The following NUDT7 variants were observed in gnomAD, a reference collection of about 807,000 sequenced individuals.
The protein encoded by NUDT7 is nudix hydrolase 7, also known as peroxisomal coenzyme A diphosphatase NUDT7.
NUDT7 carries 19 observed loss-of-function variants against 13.1 expected under a neutral mutation model. The observed-to-expected ratio is 1.45, with a 90% CI of 1.01 to 2.13. The LOEUF (loss-of-function observed/expected upper bound fraction) is 2.13, where lower values mean the gene tolerates loss of function less well. Among genes scored for constraint, NUDT7 ranks in the 30% most tolerant of loss-of-function variants. NUDT7 has a pLI of 0.00. For missense variants in NUDT7, 360 were observed against 291.7 expected (o/e 1.23, Z -1.71); for synonymous variants, 132 against 109.7 (o/e 1.20, Z -1.27).
At chr16:77,733,315 G>A (rs745399883) in intron 2 of NUDT7, among the ~76,000 whole-genome samples, 23 of 152,206 alleles carry the variant, frequency 1.5e-4, no homozygotes, top group Non-Finnish European at 2.6e-4. Context: ...AAGATTTGGA[G>A]TCTGGTGAGG....
rs536464436 is a variant in NUDT7, at chr16:77,732,554, T to C, written c.190-3274T>C. ...GATCTTTTATACCATATTTTTACTG[T>C]ACCTTTTCCGTGTTTAGATGCACAA... On this transcript the variant is annotated intron_variant, in intron 2 of 3. Coordinates refer to ENST00000268533, the MANE Select transcript of NUDT7 (RefSeq NM_001105663.3). Among the ~76,000 whole-genome samples the C allele has an allele frequency of 9.2e-4, 140 of 152,142 alleles. 1 individual carries two copies. Among genetic ancestry groups the C allele is most frequent in the Non-Finnish European group, 7.2e-4 (49 of 68,026 alleles).
intron 3 of NUDT7, among the ~76,000 whole-genome samples, chr16:77,739,642 G>A (rs567141451): frequency 1.7e-4 from 26 of 152,232 alleles, no homozygotes; most frequent in African/African-American, 6.3e-4. Context: ...TCCTGGGAAT[G>A]CAGCCCAGTA....
At chr16:77,739,127 A>G (rs1046668689) in intron 3 of NUDT7, among the ~76,000 whole-genome samples, 9 of 152,178 alleles carry the variant, frequency 5.9e-5, no homozygotes, top group African/African-American at 2.2e-4. Context: ...GCTTCTGATA[A>G]CTCACTGTTA....
intron 2 of NUDT7, among the ~76,000 whole-genome samples, chr16:77,726,560 G>A (rs576029610): frequency 2.0e-5 from 3 of 152,280 alleles, no homozygotes; most frequent in African/African-American, 7.2e-5. Context: ...ACTTTGAGAG[G>A]CCAAGGTGGG....
At chr16:77,741,553 A>C in intron 3 of NUDT7, 29 bp from the exon 4 acceptor site, 1 of 1,554,060 alleles carries the variant, frequency 6.4e-7, no homozygotes. Flanking sequence ...TTCACTTCTT[A>C]ATTTGTCTGT....
intron 2 of NUDT7, among the ~76,000 whole-genome samples, chr16:77,726,949 T>TGGCAGAC (rs111560774): frequency 0.33 from 49,456 of 151,730 alleles, 9,136 homozygotes; most frequent in African/African-American, 0.52. Flanking sequence ...TGTACCATCA[T>TGGCAGAC]GGCAGAGGGG....
chr16:77,726,870 A>G (rs976311965), intron 2 of NUDT7, among the ~76,000 whole-genome samples: 38 of 152,290 alleles, frequency 2.5e-4, no homozygotes, highest in African/African-American at 8.4e-4. Flanking sequence ...TCATTGAGTC[A>G]TGGTTCTGCA....
At chr16:77,729,847 T>TAAAA (rs150861897) in intron 2 of NUDT7, among the ~76,000 whole-genome samples, 15,719 of 152,096 alleles carry the variant, frequency 0.1, 856 homozygotes, top group East Asian at 0.15. Context: ...AATAAATAAA[T>TAAAA]TTTAAATCAA....
At chr16:77,732,291 G>A (rs1481536218) in intron 2 of NUDT7, among the ~76,000 whole-genome samples, 1 of 151,054 alleles carries the variant, frequency 6.6e-6, no homozygotes, top group Non-Finnish European at 1.5e-5. Context: ...TCCCATCACT[G>A]CACTCCAGCC....
At chr16:77,724,768 A>C (rs2014076973) in intron 1 of NUDT7, among the ~76,000 whole-genome samples, 1 of 152,256 alleles carries the variant, frequency 6.6e-6, no homozygotes, top group Non-Finnish European at 1.5e-5. Context: ...AAACAAGTCC[A>C]CATAGGAAGG....
In NUDT7 at chr16:77,741,857, C is replaced by G; in HGVS notation, c.624C>G (p.Pro208=). The G allele has an allele frequency of 6.2e-7, 1 of 1,614,092 alleles. No homozygotes were observed. Among genetic ancestry groups the G allele is most frequent in the Non-Finnish European group, 8.5e-7 (1 of 1,180,012 alleles). The change falls in exon 4 of 4, where the codon CCC becomes CCG. Residue 208 remains proline, a synonymous_variant. Transcript: ENST00000268533. ...LVAFIILEKK[P]TFEVQFNLND... ...CCTTTATCATTTTGGAAAAAAAACC[C>G]ACCTTTGAGGTTCAATTTAATCTTA...
intron 3 of NUDT7, among the ~76,000 whole-genome samples, chr16:77,738,302 C>T (rs557887278): frequency 6.6e-6 from 1 of 152,202 alleles, no homozygotes; most frequent in African/African-American, 2.4e-5. Flanking sequence ...AATTCAGGAG[C>T]ATTAACAGGA....
Position 77,738,732 on chromosome 16 carries a change from A to G in NUDT7, c.348+2746A>G, listed in dbSNP as rs77217139. ...TACCTATGTATGTATGCACCTATGTATGTACCCGCTACATAAGCCTTCCAG... is the reference window on the plus strand; with the variant it reads ...TACCTATGTATGTATGCACCTATGTGTGTACCCGCTACATAAGCCTTCCAG... On this transcript the variant is annotated intron_variant, in intron 3 of 3. Transcript: ENST00000268533. 1.9e-3 allele frequency among the ~76,000 whole-genome samples: 284 copies of G among 152,264 alleles called. 5 individuals are homozygous for G. The highest frequency in any genetic ancestry group is 0.014 in the Admixed American group (212 of 15,290).
In NUDT7 at chr16:77,741,572, C is replaced by T; in HGVS notation, c.349-10C>T. On this transcript the variant is annotated splice_polypyrimidine_tract_variant and intron_variant, in intron 3 of 3. Coordinates refer to ENST00000268533, the MANE Select transcript of NUDT7 (RefSeq NM_001105663.3). ...CTTCTTAATTTGTCTGTTTTGTTTT[C>T]TGCTTTTAGACAGATACATTGATAA... 1.9e-6 allele frequency: 3 copies of T among 1,574,824 alleles called. No individual in the cohort carries two copies.
At chr16:77,727,833 G>A (rs745763740) in intron 2 of NUDT7, among the ~76,000 whole-genome samples, 2 of 151,166 alleles carry the variant, frequency 1.3e-5, no homozygotes, top group Non-Finnish European at 2.9e-5. Flanking sequence ...CTCCAGCCTG[G>A]GCAACAGAGC....
At chr16:77,736,931 G>C (rs1411172778) in intron 3 of NUDT7, among the ~76,000 whole-genome samples, 1 of 152,118 alleles carries the variant, frequency 6.6e-6, no homozygotes, top group East Asian at 1.9e-4. Flanking sequence ...AATAGCTGTA[G>C]GCTGATGGAA....
At chr16:77,728,981 GACT>G (rs901204696) in intron 2 of NUDT7, among the ~76,000 whole-genome samples, 48 of 152,230 alleles carry the variant, frequency 3.2e-4, no homozygotes, top group African/African-American at 1.2e-3. Context: ...CATTCTCTGG[GACT>G]GGAAGTAGGC....
In NUDT7 at chr16:77,735,814, CT is replaced by C; in HGVS notation, c.190-11del. On this transcript the variant is annotated splice_polypyrimidine_tract_variant and intron_variant, in intron 2 of 3. Coordinates refer to ENST00000268533, the MANE Select transcript of NUDT7 (RefSeq NM_001105663.3). ...TAGAATCCCACATTGTAGCGCTGTT[CT>C]TTCTATATCCAGCTAAGAAGGGCCC... The C allele has an allele frequency of 6.2e-7, 1 of 1,609,398 alleles. No homozygotes were observed. The highest frequency in any genetic ancestry group is 8.5e-7 in the Non-Finnish European group (1 of 1,176,500).
At position 77,738,596 on chromosome 16, in the gene NUDT7, A is replaced by G. The variant is rs377051239; in HGVS notation, c.348+2610A>G. ...GTCTGGAGATCATAGCTGGGAGTGG[A>G]AGGGTGCTATTGGCTTTTCTCAAGT... On this transcript the variant is annotated intron_variant, in intron 3 of 3. Transcript: ENST00000268533. 1.2e-3 allele frequency among the ~76,000 whole-genome samples: 176 copies of G among 152,234 alleles called. 2 individuals are homozygous for G. Among genetic ancestry groups the G allele is most frequent in the African/African-American group, 4.0e-3 (167 of 41,530 alleles).
Sources: allele counts gnomAD v4.1 joint callset (sites outside exome capture counted in the v4.1 genomes callset), GRCh38; gene constraint gnomAD v4.1.1; transcripts MANE v1.5; gene names NCBI Gene and HGNC (gene_info 2026-07-23, HGNC 2026-07-21).